The following DMD variants were observed in gnomAD, a reference collection of about 807,000 sequenced individuals.
DMD encodes dystrophin, also known as mutant dystrophin.
In DMD, 63 loss-of-function variants were observed where a neutral mutation model predicts 330.1. The observed-to-expected ratio is 0.19, with a 90% CI of 0.16 to 0.24. The LOEUF (loss-of-function observed/expected upper bound fraction) is 0.24. Among genes scored for constraint, DMD ranks in the 10% least tolerant of loss-of-function variants. DMD has a pLI of 1.00. For missense variants in DMD, 3,344 were observed against 2,684.1 expected (o/e 1.25, Z -5.43); for synonymous variants, 1,223 against 959.8 (o/e 1.27, Z -5.07).
At chrX:31,239,447 G>C (rs951967983) in intron 63 of DMD, among the ~76,000 whole-genome samples, 8 of 111,799 alleles carry the variant, frequency 7.2e-5, no homozygotes, top group African/African-American at 2.6e-4. Context: ...AAAGCTCTTA[G>C]TAACTTGTTC....
intron 7 of DMD, among the ~76,000 whole-genome samples, chrX:32,713,359 A>C (rs771443846): frequency 2.1e-4 from 23 of 111,312 alleles, no homozygotes; most frequent in African/African-American, 7.5e-4. Flanking sequence ...TTCCAGTTGC[A>C]TTAAGCTGGT....
intron 44 of DMD, among the ~76,000 whole-genome samples, chrX:32,165,458 T>C: frequency 8.9e-6 from 1 of 112,556 alleles, no homozygotes; most frequent in Non-Finnish European, 1.9e-5. Context: ...TTTTGGCTAA[T>C]TTCTCCCATT....
At chrX:31,619,716 A>T (rs2078418462) in intron 55 of DMD, among the ~76,000 whole-genome samples, 2 of 112,212 alleles carry the variant, frequency 1.8e-5, no homozygotes, top group African/African-American at 6.5e-5. Flanking sequence ...TTACAAAGTT[A>T]TTCAATTTAG....
intron 1 of DMD, among the ~76,000 whole-genome samples, chrX:33,233,477 A>C (rs1282518469): frequency 8.9e-6 from 1 of 112,599 alleles, no homozygotes; most frequent in Non-Finnish European, 1.9e-5. Context: ...AAAAGTAACA[A>C]ACTATTGCAA....
At position 31,429,579 on chromosome X, in the gene DMD, C is replaced by T. The variant is rs186963070; in HGVS notation, c.9084+14902G>A. ...CTTAGTACAGGGCAGATCACTTTCC[C>T]CAGAGTGAGCATTCCAGAAGACCAA... On this transcript the variant is annotated intron_variant, in intron 60 of 78. Transcript: ENST00000357033. Among the ~76,000 whole-genome samples, 738 of 111,752 alleles carry T rather than the reference C, an allele frequency of 6.6e-3. 2 individuals carry two copies. Among genetic ancestry groups the T allele is most frequent in the Non-Finnish European group, 0.011 (595 of 53,129 alleles).
intron 7 of DMD, among the ~76,000 whole-genome samples, chrX:32,799,965 A>G (rs1160260800): frequency 9.0e-6 from 1 of 111,566 alleles, no homozygotes; most frequent in Non-Finnish European, 1.9e-5. Flanking sequence ...AAAGCATATC[A>G]AATTCTATAT....
intron 7 of DMD, among the ~76,000 whole-genome samples, chrX:32,759,045 ATCTT>A (rs1367276295): frequency 1.0e-5 from 1 of 98,425 alleles, no homozygotes; most frequent in Non-Finnish European, 2.0e-5. Context: ...AATTCTAACT[ATCTT>A]TAAGTTTCAG....
At chrX:31,426,773 C>G (rs773852424) in intron 60 of DMD, among the ~76,000 whole-genome samples, 117 of 112,073 alleles carry the variant, frequency 1.0e-3, no homozygotes, top group African/African-American at 3.6e-3. Context: ...ACCTACTAAC[C>G]TTGAACCTGC....
In DMD at chrX:32,302,360, C is replaced by T. The variant is rs1031337158; in HGVS notation, c.6117+7722G>A. ...TGAATGCATTTCCGCATACAAAATT[C>T]TCAACTTACAATGGGTTTATCTGGA... On this transcript the variant is annotated intron_variant, in intron 42 of 78. Coordinates refer to ENST00000357033, the MANE Select transcript of DMD (RefSeq NM_004006.3). Among the ~76,000 whole-genome samples, 5 of 111,208 alleles carry T rather than the reference C, an allele frequency of 4.5e-5. No homozygotes were observed. The East Asian group carries it at 1.4e-3, about 31-fold the overall frequency.
intron 51 of DMD, among the ~76,000 whole-genome samples, chrX:31,771,806 C>T (rs185523154): frequency 8.9e-6 from 1 of 111,755 alleles, no homozygotes; most frequent in Non-Finnish European, 1.9e-5. Flanking sequence ...TGGCCCTCTA[C>T]ATTAGTTTTT....
chrX:31,673,043 G>C (rs944024981), intron 53 of DMD, among the ~76,000 whole-genome samples: 3 of 112,244 alleles, frequency 2.7e-5, no homozygotes, highest in Non-Finnish European at 3.8e-5. Flanking sequence ...GTTTATTCCA[G>C]GGAGCTGCAA....
chrX:31,201,791 A>C (rs2043500581), intron 67 of DMD, among the ~76,000 whole-genome samples: 1 of 112,146 alleles, frequency 8.9e-6, no homozygotes, highest in African/African-American at 3.2e-5. Flanking sequence ...TGCAGCAGGG[A>C]CCATCACTGA....
intron 1 of DMD, among the ~76,000 whole-genome samples, chrX:33,123,499 C>T (rs1392933411): frequency 1.8e-5 from 2 of 110,796 alleles, no homozygotes; most frequent in African/African-American, 3.3e-5. Flanking sequence ...TCAATGCAAC[C>T]TCCGCCTCCC....
intron 18 of DMD, among the ~76,000 whole-genome samples, chrX:32,508,061 T>A (rs767147864): frequency 1.8e-5 from 2 of 110,546 alleles, no homozygotes; most frequent in South Asian, 8.0e-4. Flanking sequence ...TTAGGGATGT[T>A]CAACATATTT....
intron 2 of DMD, among the ~76,000 whole-genome samples, chrX:32,869,453 C>T (rs1945853620): frequency 1.8e-5 from 2 of 110,160 alleles, no homozygotes; most frequent in Admixed American, 9.8e-5. Flanking sequence ...ACGAACTTTA[C>T]TGAGCTAAAG....
chrX:32,690,031 C>A (rs2063158779), intron 9 of DMD, among the ~76,000 whole-genome samples: 1 of 108,608 alleles, frequency 9.2e-6, no homozygotes, highest in African/African-American at 3.4e-5. Context: ...GCCACTTCTA[C>A]CGATGGCAAT....
intron 44 of DMD, among the ~76,000 whole-genome samples, chrX:32,074,777 C>CTT (rs199900518): frequency 2.1e-4 from 21 of 101,515 alleles, no homozygotes; most frequent in Admixed American, 6.5e-4. Flanking sequence ...TAAAAATAAA[C>CTT]TTTTTTTTTT....
chrX:31,740,453 T>C (rs1052964441), intron 51 of DMD, among the ~76,000 whole-genome samples: 4 of 111,965 alleles, frequency 3.6e-5, no homozygotes, highest in African/African-American at 6.5e-5. Context: ...TGAAACAATA[T>C]ATAGGACTGC....
chrX:31,231,617 C>T (rs1249835747), intron 63 of DMD, among the ~76,000 whole-genome samples: 5 of 112,599 alleles, frequency 4.4e-5, no homozygotes, highest in Admixed American at 9.4e-5. Flanking sequence ...CGGTGGCTCG[C>T]GCCTGTAATC....
Sources: allele counts gnomAD v4.1 joint callset (sites outside exome capture counted in the v4.1 genomes callset), GRCh38; gene constraint gnomAD v4.1.1; transcripts MANE v1.5; gene names NCBI Gene and HGNC (gene_info 2026-07-23, HGNC 2026-07-21).